PFDN2: variants seen among roughly 807,000 people sequenced by gnomAD.
PFDN2 encodes prefoldin subunit 2.
A neutral mutation model predicts 18.3 loss-of-function variants in PFDN2; 7 were observed. The observed-to-expected ratio is 0.38, with a 90% CI of 0.22 to 0.72. The LOEUF is 0.72. Ranked by LOEUF, PFDN2 falls within the 30% of genes least tolerant of loss-of-function variation. The pLI, the probability that PFDN2 is intolerant of heterozygous loss-of-function variation, is 0.47. For missense variants in PFDN2, 181 were observed against 199.1 expected, an observed-to-expected ratio of 0.91 and a Z score of 0.55; for synonymous variants, 76 against 75.0, an observed-to-expected ratio of 1.01 and a Z score of -0.07.
Position 161,100,621 on chromosome 1 carries a change from TAAC to T in PFDN2, c.*59_*61del, listed in dbSNP as rs1654532336. On this transcript the variant is annotated 3_prime_UTR_variant, in exon 4 of 4. Coordinates refer to ENST00000368010, the MANE Select transcript of PFDN2 (RefSeq NM_012394.4). ...ACAATAGCAGAGAAAATAATAATAA[TAAC>T]AATAAAGAGAAATTAGAAGTGGGAG... 2 of 1,110,376 alleles carry T rather than the reference TAAC, an allele frequency of 1.8e-6. No homozygotes were observed. Among genetic ancestry groups the T allele is most frequent in the Admixed American group, 2.5e-5 (1 of 39,852 alleles). 68.8% of individuals were successfully genotyped at this position (1,110,376 alleles called of 1,614,324 possible).
chr1:161,107,109 C>A (rs966243964), intron 1 of PFDN2, among the ~76,000 whole-genome samples: 6 of 152,196 alleles, frequency 3.9e-5, no homozygotes, highest in Non-Finnish European at 7.4e-5. Context: ...CAGGCCCATA[C>A]CCTATTGATA....
At chr1:161,117,091 GGT>G (rs1020683010) in intron 1 of PFDN2, among the ~76,000 whole-genome samples, 1 of 151,984 alleles carries the variant, frequency 6.6e-6, no homozygotes, top group Non-Finnish European at 1.5e-5. Flanking sequence ...AAATTAGCCA[GGT>G]GTGGCGGCGC....
At chr1:161,106,071 C>A (rs1654670807) in intron 1 of PFDN2, among the ~76,000 whole-genome samples, 1 of 151,154 alleles carries the variant, frequency 6.6e-6, no homozygotes, top group Non-Finnish European at 1.5e-5. Context: ...TGGTTGCCAT[C>A]CCCTTGATGA....
rs1654580465 is a variant in PFDN2, at chr1:161,102,189, G to A, written c.165-18C>T. On this transcript the variant is annotated intron_variant, in intron 2 of 3. Coordinates refer to ENST00000368010, the MANE Select transcript of PFDN2 (RefSeq NM_012394.4). ...TCACTAGGCTGGGATAGGAGAACAA[G>A]GCAGGACCTGAGGATTCAGCCCCAC... The A allele has an allele frequency of 6.2e-7, 1 of 1,614,112 alleles. No homozygotes were observed. Among genetic ancestry groups the A allele is most frequent in the African/African-American group, 1.3e-5 (1 of 75,044 alleles).
chr1:161,102,197 C>A (rs370769717), intron 2 of PFDN2, 26 bp from the exon 3 acceptor site: 3 of 1,614,112 alleles, frequency 1.9e-6, no homozygotes, highest in South Asian at 2.2e-5. Flanking sequence ...AAGGCAGGAC[C>A]TGAGGATTCA....
chr1:161,108,208 T>G (rs1571185731), intron 1 of PFDN2, among the ~76,000 whole-genome samples: 1 of 146,808 alleles, frequency 6.8e-6, no homozygotes, highest in Non-Finnish European at 1.5e-5. Context: ...ATCCCACCAC[T>G]TTGGGAGGCC....
intron 1 of PFDN2, among the ~76,000 whole-genome samples, chr1:161,115,698 G>C (rs576827887): frequency 5.3e-5 from 8 of 152,262 alleles, no homozygotes; most frequent in African/African-American, 1.9e-4. Flanking sequence ...GAAAAAGAGA[G>C]ACCACATTCA....
chr1:161,112,285 C>T lies in PFDN2; in HGVS notation c.75+5667G>A, dbSNP rs971045433. Among the ~76,000 whole-genome samples, 6 of 152,246 alleles carry T rather than the reference C, an allele frequency of 3.9e-5. No homozygotes were observed. In the East Asian group the frequency reaches 1.2e-3, roughly 29 times the overall value. On this transcript the variant is annotated intron_variant, in intron 1 of 3. Transcript: ENST00000368010. The stretch of plus-strand genomic sequence containing the variant: ...ACAAGTTTTCAATAAATAGTAGCTG[C>T]TATTATTACAGATCATCTCCACCTA...
intron 1 of PFDN2, among the ~76,000 whole-genome samples, chr1:161,114,070 C>T (rs1419866751): frequency 1.3e-5 from 2 of 152,170 alleles, no homozygotes; most frequent in African/African-American, 4.8e-5. Context: ...ACTTTCTGTA[C>T]AAACTATGGA....
At chr1:161,107,380 G>T (rs570323745) in intron 1 of PFDN2, among the ~76,000 whole-genome samples, 2 of 140,000 alleles carry the variant, frequency 1.4e-5, no homozygotes, top group Non-Finnish European at 3.0e-5. Context: ...AGCCGAGATC[G>T]TGCCACTGCA....
intron 1 of PFDN2, among the ~76,000 whole-genome samples, chr1:161,103,135 T>C (rs949730782): frequency 1.3e-5 from 2 of 152,052 alleles, no homozygotes; most frequent in African/African-American, 4.8e-5. Flanking sequence ...CTTTTGGGGC[T>C]ACTAACCACA....
chr1:161,111,446 G>A (rs769217930), intron 1 of PFDN2, among the ~76,000 whole-genome samples: 4 of 152,074 alleles, frequency 2.6e-5, no homozygotes, highest in Admixed American at 6.6e-5. Context: ...TTGCTAGGAG[G>A]GCTGTCTCAG....
At chr1:161,106,023 G>T (rs1654669713) in intron 1 of PFDN2, among the ~76,000 whole-genome samples, 1 of 152,132 alleles carries the variant, frequency 6.6e-6, no homozygotes, top group Admixed American at 6.6e-5. Context: ...CTGGTGGGAG[G>T]TGTTTGGATC....
At chr1:161,101,878 C>T (rs1278327605) in intron 3 of PFDN2, among the ~76,000 whole-genome samples, 170 bp downstream of exon 3, 2 of 152,212 alleles carry the variant, frequency 1.3e-5, no homozygotes, top group Admixed American at 6.5e-5. Flanking sequence ...ACTACAGGCA[C>T]ATACCACCAT....
chr1:161,109,984 G>T (rs997986312), intron 1 of PFDN2, among the ~76,000 whole-genome samples: 1 of 152,022 alleles, frequency 6.6e-6, no homozygotes, highest in East Asian at 1.9e-4. Context: ...AACCTGGGAG[G>T]CGGAAGTTGC....
At chr1:161,117,784 G>A (rs990173145) in intron 1 of PFDN2, among the ~76,000 whole-genome samples, 168 bp downstream of exon 1, 2 of 152,114 alleles carry the variant, frequency 1.3e-5, no homozygotes, top group Non-Finnish European at 2.9e-5. Flanking sequence ...CTACCCACCC[G>A]TCTACCTCTC....
At chr1:161,115,821 T>A (rs1483981093) in intron 1 of PFDN2, among the ~76,000 whole-genome samples, 4 of 152,154 alleles carry the variant, frequency 2.6e-5, no homozygotes, top group Non-Finnish European at 4.4e-5. Flanking sequence ...TATCCCAGGT[T>A]TCAGGCATCT....
chr1:161,104,161 T>C (rs1217093088), intron 1 of PFDN2, among the ~76,000 whole-genome samples: 1 of 152,226 alleles, frequency 6.6e-6, no homozygotes, highest in Non-Finnish European at 1.5e-5. Flanking sequence ...TAATGATTCC[T>C]ACTGCATAAG....
intron 1 of PFDN2, among the ~76,000 whole-genome samples, chr1:161,111,519 T>G (rs1292582782): frequency 6.6e-6 from 1 of 152,188 alleles, no homozygotes; most frequent in African/African-American, 2.4e-5. Flanking sequence ...GCAACCCCTT[T>G]GATTTGTGAC....
Sources: allele counts gnomAD v4.1 joint callset (sites outside exome capture counted in the v4.1 genomes callset), GRCh38; gene constraint gnomAD v4.1.1; transcripts MANE v1.5; gene names NCBI Gene and HGNC (gene_info 2026-07-23, HGNC 2026-07-21).